IGSF21: variants seen among roughly 807,000 people sequenced by gnomAD.
IGSF21 encodes the protein immunoglobin superfamily member 21.
Under a neutral mutation model 46.8 loss-of-function variants are expected in IGSF21, and 28 were observed. That is an observed-to-expected ratio of 0.60 (90% confidence interval 0.44 to 0.82). The LOEUF is 0.82. IGSF21 is among the 40% of genes least tolerant of loss of function. The pLI, the probability that IGSF21 is intolerant of heterozygous loss-of-function variation, is 0.00. For missense variants in IGSF21, 624 were observed against 665.5 expected, an observed-to-expected ratio of 0.94 and a Z score of 0.69; for synonymous variants, 284 against 273.6, an observed-to-expected ratio of 1.04 and a Z score of -0.38.
At chr1:18,258,634 A>G (rs375351867) in intron 2 of IGSF21, among the ~76,000 whole-genome samples, 8 of 152,334 alleles carry the variant, frequency 5.3e-5, no homozygotes, top group African/African-American at 1.9e-4. Context: ...GGCATGATAC[A>G]GTGAAGAGCT....
At chr1:18,295,373 C>A (rs940722445) in intron 3 of IGSF21, among the ~76,000 whole-genome samples, 3 of 152,172 alleles carry the variant, frequency 2.0e-5, no homozygotes, top group African/African-American at 7.2e-5. Flanking sequence ...GTGGAAGGTG[C>A]CCAGGGATAC....
At position 18,121,101 on chromosome 1, in the gene IGSF21, G is replaced by A. The variant is rs571615736; in HGVS notation, c.70+12903G>A. Among the ~76,000 whole-genome samples the A allele has an allele frequency of 1.5e-4, 23 of 152,282 alleles. No homozygotes were observed. In the South Asian group the frequency reaches 4.6e-3, roughly 30 times the overall value. ...CACATCAGTTATGAAGAGGCTCAAA[G>A]CTGTCTCCTTCCAAATGGAAGGCAG... On this transcript the variant is annotated intron_variant, in intron 1 of 9. Transcript: ENST00000251296.
intron 6 of IGSF21, among the ~76,000 whole-genome samples, chr1:18,373,590 T>G (rs1289599677): frequency 1.3e-5 from 2 of 152,144 alleles, no homozygotes; most frequent in Admixed American, 6.5e-5. Flanking sequence ...ACCAGACCCC[T>G]CTTCTGCCCA....
At chr1:18,246,338 G>T (rs1051905871) in intron 2 of IGSF21, among the ~76,000 whole-genome samples, 5 of 151,984 alleles carry the variant, frequency 3.3e-5, no homozygotes, top group Admixed American at 1.3e-4. Flanking sequence ...CTATAGATTT[G>T]CCCTTGGTTT....
intron 1 of IGSF21, among the ~76,000 whole-genome samples, chr1:18,158,355 G>A (rs1245916866): frequency 6.6e-6 from 1 of 152,202 alleles, no homozygotes; most frequent in African/African-American, 2.4e-5. Flanking sequence ...ATGCAAATCA[G>A]CGAGGTAAGA....
At chr1:18,270,686 G>A (rs1214972508) in intron 2 of IGSF21, among the ~76,000 whole-genome samples, 1 of 152,182 alleles carries the variant, frequency 6.6e-6, no homozygotes. Flanking sequence ...AAACAGCCGG[G>A]CTCCGTGACA....
At chr1:18,339,792 G>C (rs1176094303) in intron 4 of IGSF21, among the ~76,000 whole-genome samples, 1 of 152,190 alleles carries the variant, frequency 6.6e-6, no homozygotes, top group East Asian at 1.9e-4. Context: ...GGGTGGGGCT[G>C]TTTGCCTTTC....
chr1:18,230,224 G>C (rs566274325), intron 2 of IGSF21, among the ~76,000 whole-genome samples: 1 of 152,120 alleles, frequency 6.6e-6, no homozygotes, highest in Non-Finnish European at 1.5e-5. Flanking sequence ...GCAGGACTGG[G>C]GCAGGAGGAT....
chr1:18,234,113 C>T (rs2084652404), intron 2 of IGSF21, among the ~76,000 whole-genome samples: 1 of 152,168 alleles, frequency 6.6e-6, no homozygotes, highest in Non-Finnish European at 1.5e-5. Context: ...GCCCTTCTTG[C>T]TTGGCAGCCA....
At chr1:18,303,507 G>A (rs1262151516) in intron 3 of IGSF21, among the ~76,000 whole-genome samples, 1 of 152,168 alleles carries the variant, frequency 6.6e-6, no homozygotes, top group Non-Finnish European at 1.5e-5. Context: ...GCCTTCCAGA[G>A]ACAGCATCTT....
chr1:18,367,291 C>T (rs904379927), intron 6 of IGSF21, among the ~76,000 whole-genome samples: 6 of 152,174 alleles, frequency 3.9e-5, no homozygotes, highest in African/African-American at 7.2e-5. Flanking sequence ...ATTTCTTGTA[C>T]GGATAGTATG....
chr1:18,293,848 T>C (rs907944859), intron 3 of IGSF21, among the ~76,000 whole-genome samples: 7 of 152,162 alleles, frequency 4.6e-5, no homozygotes, highest in African/African-American at 1.7e-4. Context: ...GACTCCTTGG[T>C]TCTGATTTCT....
At chr1:18,348,801 CT>C (rs1391798580) in intron 4 of IGSF21, among the ~76,000 whole-genome samples, 1 of 152,156 alleles carries the variant, frequency 6.6e-6, no homozygotes, top group Non-Finnish European at 1.5e-5. Flanking sequence ...CAAGATCACA[CT>C]GCAAGTCGGC....
At chr1:18,366,410 C>T (rs925402356) in intron 6 of IGSF21, among the ~76,000 whole-genome samples, 7 of 151,938 alleles carry the variant, frequency 4.6e-5, no homozygotes, top group African/African-American at 9.7e-5. Context: ...GGACATTTGT[C>T]GGATCAAGGA....
chr1:18,286,275 T>C (rs1311769679), intron 2 of IGSF21, among the ~76,000 whole-genome samples: 1 of 152,198 alleles, frequency 6.6e-6, no homozygotes, highest in African/African-American at 2.4e-5. Flanking sequence ...GTGGTTCCTG[T>C]CTGCAAATGG....
chr1:18,279,812 C>T lies in IGSF21; in HGVS notation c.184-12054C>T, dbSNP rs951997075. On this transcript the variant is annotated intron_variant, in intron 2 of 9. Transcript: ENST00000251296. Reference sequence around the variant, plus strand: ...GATATGCCAGCCTAGCAATGTTTGCCGGTGCACCCGCCCCTCGTTTAGCAG... The same window carrying T: ...GATATGCCAGCCTAGCAATGTTTGCTGGTGCACCCGCCCCTCGTTTAGCAG... Among the ~76,000 whole-genome samples the T allele has an allele frequency of 3.3e-5, 5 of 152,242 alleles. No individual in the cohort carries two copies. In the East Asian group the frequency reaches 5.8e-4, roughly 18 times the overall value.
rs1293920357 is a variant in IGSF21 at position 18,290,257 on chromosome 1, G to A, written c.184-1609G>A. Among the ~76,000 whole-genome samples, 1 of 152,170 alleles carries A rather than the reference G, an allele frequency of 6.6e-6. No individual in the cohort carries two copies. The highest frequency in any genetic ancestry group is 2.4e-5 in the African/African-American group (1 of 41,434). ...CCTGTGCTGCAGAAGCAGCCAGGTG[G>A]GAGGAAGTGGTCCTCTGTCTCCCCT... On this transcript the variant is annotated intron_variant, in intron 2 of 9. Coordinates refer to ENST00000251296, the MANE Select transcript of IGSF21 (RefSeq NM_032880.5). The surrounding 1 kb of genome is among the most constrained non-coding windows in gnomAD (Gnocchi z 4.2).
At chr1:18,299,554 A>C (rs2085341744) in intron 3 of IGSF21, among the ~76,000 whole-genome samples, 1 of 152,170 alleles carries the variant, frequency 6.6e-6, no homozygotes, top group Admixed American at 6.5e-5. Context: ...TGCCACATGA[A>C]GTGGTCATTC....
chr1:18,172,490 G>A (rs536542201), intron 1 of IGSF21, among the ~76,000 whole-genome samples: 41 of 152,322 alleles, frequency 2.7e-4, no homozygotes, highest in African/African-American at 9.1e-4. Context: ...TGCCAGCAGG[G>A]TCGGGTTCTG....
Sources: allele counts gnomAD v4.1 joint callset (sites outside exome capture counted in the v4.1 genomes callset), GRCh38; gene constraint gnomAD v4.1.1; non-coding constraint Gnocchi (gnomAD v3.1); transcripts MANE v1.5; gene names NCBI Gene and HGNC (gene_info 2026-07-23, HGNC 2026-07-21).